CNTNAP2: variants seen among roughly 807,000 people sequenced by gnomAD.
CNTNAP2 encodes the protein contactin associated protein 2, also known as contactin-associated protein-like 2.
A neutral mutation model predicts 155.2 loss-of-function variants in CNTNAP2; 98 were observed. The ratio of observed to expected loss-of-function variants is 0.63; its 90% CI spans 0.54 to 0.75. CNTNAP2 has a LOEUF of 0.75. Among genes scored for constraint, CNTNAP2 ranks in the 30% least tolerant of loss-of-function variants. The probability of loss-of-function intolerance (pLI) is 0.00; values close to 1 mark genes in which losing one functional copy is unlikely to be tolerated. For missense variants in CNTNAP2, 1,727 were observed against 1,688.1 expected (o/e 1.02, Z -0.40); for synonymous variants, 651 against 631.2 (o/e 1.03, Z -0.47).
At chr7:146,442,928 C>T (rs1195967064) in intron 1 of CNTNAP2, among the ~76,000 whole-genome samples, 1 of 151,992 alleles carries the variant, frequency 6.6e-6, no homozygotes, top group Admixed American at 6.6e-5. Context: ...AAACATGGGC[C>T]GGGCGCGGTG....
At chr7:147,047,595 G>T (rs1666338503) in intron 4 of CNTNAP2, among the ~76,000 whole-genome samples, 2 of 151,954 alleles carry the variant, frequency 1.3e-5, no homozygotes, top group African/African-American at 4.8e-5. Context: ...ATTTATTTTT[G>T]AGGTGACATT....
At chr7:148,060,550 T>A (rs1017790665) in intron 15 of CNTNAP2, among the ~76,000 whole-genome samples, 1 of 152,220 alleles carries the variant, frequency 6.6e-6, no homozygotes, top group African/African-American at 2.4e-5. Flanking sequence ...AACAAACTCA[T>A]ATTGTTTCTC....
chr7:146,699,779 C>T (rs1228250011), intron 1 of CNTNAP2, among the ~76,000 whole-genome samples: 8 of 151,920 alleles, frequency 5.3e-5, no homozygotes, highest in Non-Finnish European at 1.2e-4. Context: ...ACCAGCCTGG[C>T]CAACACAGCG....
At chr7:147,925,485 G>C (rs1273220194) in intron 14 of CNTNAP2, among the ~76,000 whole-genome samples, 1 of 147,394 alleles carries the variant, frequency 6.8e-6, no homozygotes, top group Non-Finnish European at 1.5e-5. Flanking sequence ...TTTTTTTTTT[G>C]AGACGGAGTC....
intron 21 of CNTNAP2, among the ~76,000 whole-genome samples, chr7:148,289,988 G>A (rs890467237): frequency 1.6e-4 from 24 of 152,076 alleles, no homozygotes; most frequent in Admixed American, 5.2e-4. Context: ...GGAAATTCAG[G>A]TGACATTAAT....
At chr7:148,214,832 G>T (rs1195493175) in intron 18 of CNTNAP2, among the ~76,000 whole-genome samples, 1 of 152,194 alleles carries the variant, frequency 6.6e-6, no homozygotes, top group Non-Finnish European at 1.5e-5. Flanking sequence ...ACCTACCAAA[G>T]TGCTGGGATT....
intron 11 of CNTNAP2, among the ~76,000 whole-genome samples, chr7:147,547,122 C>T (rs1239662019): frequency 6.6e-6 from 1 of 152,172 alleles, no homozygotes; most frequent in Non-Finnish European, 1.5e-5. Context: ...CTGAGACTTG[C>T]TCATGTCTTC....
chr7:146,407,362 C>T (rs802196), intron 1 of CNTNAP2, among the ~76,000 whole-genome samples: 67,977 of 151,964 alleles, frequency 0.45, 18,372 homozygotes, highest in African/African-American at 0.76. Flanking sequence ...TGGTGTCATG[C>T]TGTTACTACT....
intron 3 of CNTNAP2, among the ~76,000 whole-genome samples, chr7:147,035,277 G>A (rs774740982): frequency 5.9e-5 from 9 of 152,188 alleles, no homozygotes; most frequent in Non-Finnish European, 1.2e-4. Context: ...CAGATTGGAA[G>A]GGTAACAGGT....
chr7:147,198,848 T>G (rs1486993767), intron 8 of CNTNAP2, among the ~76,000 whole-genome samples: 1 of 152,010 alleles, frequency 6.6e-6, no homozygotes, highest in East Asian at 1.9e-4. Flanking sequence ...TTTTGAAAGA[T>G]TTATAGGAAG....
chr7:147,345,951 A>G (rs1259368595), intron 9 of CNTNAP2, among the ~76,000 whole-genome samples: 12 of 152,132 alleles, frequency 7.9e-5, no homozygotes, highest in Non-Finnish European at 1.5e-4. Context: ...CTCAAGCTTA[A>G]TTAATTAATA....
chr7:146,816,557 C>G (rs1803174303), intron 2 of CNTNAP2, among the ~76,000 whole-genome samples: 1 of 152,154 alleles, frequency 6.6e-6, no homozygotes, highest in Non-Finnish European at 1.5e-5. Context: ...AAATGGGTAT[C>G]TAGACTTTGG....
intron 8 of CNTNAP2, among the ~76,000 whole-genome samples, chr7:147,202,879 A>G (rs953792443): frequency 4.0e-5 from 6 of 151,434 alleles, no homozygotes; most frequent in Non-Finnish European, 8.8e-5. Flanking sequence ...TATATAGTCA[A>G]TCTTTCAAGG....
At chr7:147,281,363 TAA>T (rs2116726446) in intron 8 of CNTNAP2, among the ~76,000 whole-genome samples, 1 of 152,000 alleles carries the variant, frequency 6.6e-6, no homozygotes, top group African/African-American at 2.4e-5. Context: ...ATATTATTTT[TAA>T]AAGACAATAT....
rs143920459 is a variant in CNTNAP2 at position 146,132,320 on chromosome 7, C to A, written c.97+15347C>A. On this transcript the variant is annotated intron_variant, in intron 1 of 23. Coordinates refer to ENST00000361727, the MANE Select transcript of CNTNAP2 (RefSeq NM_014141.6). ...GTACGAACTTCATAGAGCAGCAATT[C>A]TCATATGCTAATATGCATATAAACT... is the stretch of plus-strand genomic sequence containing the variant. Among the ~76,000 whole-genome samples the A allele has an allele frequency of 2.2e-3, 331 of 152,274 alleles. 1 individual carries two copies. Among genetic ancestry groups the A allele is most frequent in the Middle Eastern group, 3.4e-3 (1 of 294 alleles).
chr7:148,204,471 G>A (rs1017440339), intron 18 of CNTNAP2, among the ~76,000 whole-genome samples: 1 of 152,044 alleles, frequency 6.6e-6, no homozygotes. Context: ...AACACATATG[G>A]GAATGTCATC....
At chr7:148,171,630 T>G (rs1366364283) in intron 17 of CNTNAP2, among the ~76,000 whole-genome samples, 1 of 152,226 alleles carries the variant, frequency 6.6e-6, no homozygotes, top group African/African-American at 2.4e-5. Context: ...ACAAAAGCAA[T>G]GAAATCTGAT....
Position 146,677,728 on chromosome 7 carries a change from G to C in CNTNAP2, c.98-96543G>C, listed in dbSNP as rs1033404644. Among the ~76,000 whole-genome samples the C allele has an allele frequency of 2.0e-5, 3 of 150,860 alleles. No individual in the cohort carries two copies. The South Asian group carries it at 6.3e-4, about 32-fold the overall frequency. On this transcript the variant is annotated intron_variant, in intron 1 of 23. Coordinates refer to ENST00000361727, the MANE Select transcript of CNTNAP2 (RefSeq NM_014141.6). Reference sequence around the variant, plus strand: ...AGGAGAAAGAGGCAGTTCCTGAATTGTTTACTAAGAATTTACATAAAAATA... The same window carrying C: ...AGGAGAAAGAGGCAGTTCCTGAATTCTTTACTAAGAATTTACATAAAAATA...
chr7:146,914,043 T>C lies in CNTNAP2; in HGVS notation c.402+74139T>C, dbSNP rs189794619. Among the ~76,000 whole-genome samples, 244 of 152,264 alleles carry C rather than the reference T, an allele frequency of 1.6e-3. 1 individual carries two copies. The highest frequency in any genetic ancestry group is 4.9e-3 in the African/African-American group (205 of 41,568). On this transcript the variant is annotated intron_variant, in intron 3 of 23. Coordinates refer to ENST00000361727, the MANE Select transcript of CNTNAP2 (RefSeq NM_014141.6). ...TCCTGAGTTACTTCACTTAGAATAA[T>C]GGTCTCCAGTTTCATCCAGGTTGCT... is the stretch of plus-strand genomic sequence containing the variant.
Sources: gnomAD v4.1 joint callset for allele counts (sites outside exome capture counted in the v4.1 genomes callset) on GRCh38, gnomAD v4.1.1 for gene constraint, MANE v1.5 for transcripts, NCBI Gene and HGNC (gene_info 2026-07-23, HGNC 2026-07-21) for gene names.